The following FERMT1 variants were observed in gnomAD, a reference collection of about 807,000 sequenced individuals.
FERMT1 encodes the protein fermitin family homolog 1.
Under a neutral mutation model 85.3 loss-of-function variants are expected in FERMT1, and 60 were observed. The ratio of observed to expected loss-of-function variants is 0.70; its 90% confidence interval spans 0.57 to 0.87. The LOEUF is 0.87. Among genes scored for constraint, FERMT1 ranks in the 40% least tolerant of loss-of-function variants. The pLI, the probability that FERMT1 is intolerant of heterozygous loss-of-function variation, is 0.00. For missense variants in FERMT1, 701 were observed against 818.9 expected, an observed-to-expected ratio of 0.86 and a Z score of 1.76; for synonymous variants, 275 against 301.1, an observed-to-expected ratio of 0.91 and a Z score of 0.90.
chr20:6,088,636 T>C (rs964255623), intron 10 of FERMT1, among the ~76,000 whole-genome samples: 1 of 151,286 alleles, frequency 6.6e-6, no homozygotes, highest in African/African-American at 2.4e-5. Context: ...CTTTTTTTTT[T>C]TTTTTTTTTG....
At position 6,115,943 on chromosome 20, in the gene FERMT1, C is replaced by T; in HGVS notation, c.253G>A (p.Asp85Asn). 4.3e-6 allele frequency: 7 copies of T among 1,614,212 alleles called. No individual in the cohort carries two copies. Among genetic ancestry groups the T allele is most frequent in the Non-Finnish European group, 5.1e-6 (6 of 1,180,032 alleles). Reference sequence around the variant, plus strand: ...TGAGGGGTGAAGAGAAGCTTTGCATCTGCCTGGACCCCATATTTGTCCAGG... The same window carrying T: ...TGAGGGGTGAAGAGAAGCTTTGCATTTGCCTGGACCCCATATTTGTCCAGG... ...WTLDKYGVQA[D>N]AKLLFTPQHK... is the part of the protein sequence containing the mutation. Residue 85 changes from aspartate (D) to asparagine (N), a missense_variant, in exon 3 of 15, where the codon GAT becomes AAT. Asp to Asn is a conservative substitution (Grantham distance 23). Coordinates refer to ENST00000217289, the MANE Select transcript of FERMT1 (RefSeq NM_017671.5).
chr20:6,096,374 A>G (rs974278970), intron 8 of FERMT1, among the ~76,000 whole-genome samples: 10 of 152,138 alleles, frequency 6.6e-5, no homozygotes, highest in Non-Finnish European at 1.5e-4. Flanking sequence ...AAAATACAAA[A>G]ATTAGCCAGG....
intron 9 of FERMT1, among the ~76,000 whole-genome samples, chr20:6,091,746 C>CAAGAG (rs1982375519): frequency 6.6e-6 from 1 of 152,138 alleles, no homozygotes; most frequent in Non-Finnish European, 1.5e-5. Flanking sequence ...TCAAGTTCCT[C>CAAGAG]CTCCTATCTC....
chr20:6,107,757 C>T (rs2123136468), intron 5 of FERMT1, 123 bp from the exon 6 acceptor site: 2 of 599,844 alleles, frequency 3.3e-6, no homozygotes, highest in South Asian at 3.6e-5. Context: ...GTATGTAATA[C>T]AGATTGAGTA....
Position 6,076,841 on chromosome 20 carries a change from G to C in FERMT1, c.*332C>G. The C allele has an allele frequency of 4.8e-6, 2 of 420,040 alleles. 1 individual carries two copies. The highest frequency in any genetic ancestry group is 4.7e-5 in the South Asian group (2 of 42,858). The allele number at this position is 420,040 out of a possible 1,614,324, so 26.0% of individuals were successfully genotyped here. A position where few individuals can be genotyped will look rare whatever the true frequency, so the allele number is the denominator to read the frequency against. On this transcript the variant is annotated 3_prime_UTR_variant, in exon 15 of 15. Coordinates refer to ENST00000217289, the MANE Select transcript of FERMT1 (RefSeq NM_017671.5). ...TTAGTAATGAGACAGATCAGCACGA[G>C]GATAACTTGTAGCCATACACCTGGC...
intron 6 of FERMT1, 102 bp downstream of exon 6, chr20:6,107,430 C>G: frequency 1.4e-6 from 1 of 694,110 alleles, no homozygotes; most frequent in South Asian, 1.5e-5. Context: ...CAGGCGATCA[C>G]ACAAATAAAT....
intron 9 of FERMT1, among the ~76,000 whole-genome samples, chr20:6,093,083 AAAG>A (rs1982409704): frequency 6.6e-6 from 1 of 152,110 alleles, no homozygotes; most frequent in African/African-American, 2.4e-5. Flanking sequence ...TTAAATAAAA[AAAG>A]AGCTTCACTG....
At chr20:6,103,877 ATTTAT>A (rs1982729058) in intron 6 of FERMT1, among the ~76,000 whole-genome samples, 1 of 108,942 alleles carries the variant, frequency 9.2e-6, no homozygotes, top group Admixed American at 1.0e-4. Context: ...TTATTATTTT[ATTTAT>A]TTTTTGAGAC....
At position 6,113,944 on chromosome 20, in the gene FERMT1, A is replaced by G. The variant is rs550419204; in HGVS notation, c.386-1321T>C. On this transcript the variant is annotated intron_variant, in intron 3 of 14. Transcript: ENST00000217289. Reference sequence around the variant, plus strand: ...CTCCCATTAATCAAATATATTTATAATTGCTGATCAGAATTGCTGATAACC... The same window carrying G: ...CTCCCATTAATCAAATATATTTATAGTTGCTGATCAGAATTGCTGATAACC... Among the ~76,000 whole-genome samples, 11 of 152,344 alleles carry G rather than the reference A, an allele frequency of 7.2e-5. No individual in the cohort carries two copies. In the South Asian group the frequency reaches 2.3e-3, roughly 32 times the overall value.
At chr20:6,122,634 A>C (rs1983310094) in intron 1 of FERMT1, 140 bp downstream of exon 1, 1 of 152,306 alleles carries the variant, frequency 6.6e-6, no homozygotes, top group African/African-American at 2.4e-5. Flanking sequence ...GGTCACATCC[A>C]GACGAAATTA....
At chr20:6,085,917 G>T (rs1387698479) in intron 11 of FERMT1, among the ~76,000 whole-genome samples, 1 of 151,710 alleles carries the variant, frequency 6.6e-6, no homozygotes, top group Non-Finnish European at 1.5e-5. Flanking sequence ...GAGGCGGGTG[G>T]ATCACGAGGT....
Position 6,085,207 on chromosome 20 carries a change from T to TGGCTCC in FERMT1, c.1451_1452insGGAGCC (p.Pro484_Glu485dup). ...GAAATGAAAGGATGTTGAGGACCTC[T>TGGCTCC]GGCTGGTAGGAGCTGTCTGCCATGG... On this transcript the variant is annotated inframe_insertion, in exon 12 of 15. Coordinates refer to ENST00000217289, the MANE Select transcript of FERMT1 (RefSeq NM_017671.5). 6.2e-7 allele frequency: 1 copy of TGGCTCC among 1,614,188 alleles called. No homozygotes were observed.
intron 13 of FERMT1, among the ~76,000 whole-genome samples, chr20:6,083,453 G>A (rs541933662): frequency 5.9e-5 from 9 of 152,150 alleles, no homozygotes; most frequent in Admixed American, 3.3e-4. Flanking sequence ...CAGAGCTTGC[G>A]GGGACCTCTC....
intron 12 of FERMT1, 114 bp from the exon 13 acceptor site, chr20:6,084,278 A>G (rs1982100454): frequency 8.7e-7 from 1 of 1,144,778 alleles, no homozygotes; most frequent in Non-Finnish European, 1.3e-6. Context: ...CTGCAGCTCT[A>G]CAAAGACAAT....
At chr20:6,117,554 C>T (rs887920782) in intron 2 of FERMT1, among the ~76,000 whole-genome samples, 3 of 152,138 alleles carry the variant, frequency 2.0e-5, no homozygotes, top group Non-Finnish European at 4.4e-5. Flanking sequence ...CTGCCTCAGC[C>T]TCCTGAGTAG....
chr20:6,081,178 G>A (rs1345381399), intron 13 of FERMT1, among the ~76,000 whole-genome samples: 1 of 151,954 alleles, frequency 6.6e-6, no homozygotes, highest in Non-Finnish European at 1.5e-5. Flanking sequence ...TGGGAGGCTG[G>A]GGTGAGAGGA....
intron 13 of FERMT1, among the ~76,000 whole-genome samples, chr20:6,081,564 C>G (rs980499071): frequency 6.6e-6 from 1 of 151,996 alleles, no homozygotes; most frequent in African/African-American, 2.4e-5. Flanking sequence ...CAGAAAGTAG[C>G]AGGGGCAGTG....
intron 7 of FERMT1, 136 bp from the exon 8 acceptor site, chr20:6,097,169 CGT>C: frequency 1.1e-6 from 1 of 896,912 alleles, no homozygotes; most frequent in Non-Finnish European, 1.8e-6. Flanking sequence ...GTCTCCTTCC[CGT>C]GTGGGGAAAA....
chr20:6,076,277 C>G lies in FERMT1; in HGVS notation c.*896G>C, dbSNP rs886056897. 2.2e-5 allele frequency: 8 copies of G among 371,950 alleles called. No homozygotes were observed. Among genetic ancestry groups the G allele is most frequent in the South Asian group, 1.4e-4 (7 of 48,966 alleles). 23.0% of individuals were successfully genotyped at this position (371,950 alleles called of 1,614,324 possible). A position where few individuals can be genotyped will look rare whatever the true frequency, so the allele number is the denominator to read the frequency against. On this transcript the variant is annotated 3_prime_UTR_variant, in exon 15 of 15. Coordinates refer to ENST00000217289, the MANE Select transcript of FERMT1 (RefSeq NM_017671.5). ...TCTCCCTGACCAGTTGGGATAGACACCTGACTGGAATCCTTGACACTGGCA... is the reference window on the plus strand; with the variant it reads ...TCTCCCTGACCAGTTGGGATAGACAGCTGACTGGAATCCTTGACACTGGCA...
Sources: gnomAD v4.1 joint callset for allele counts (sites outside exome capture counted in the v4.1 genomes callset) on GRCh38, gnomAD v4.1.1 for gene constraint, MANE v1.5 for transcripts, NCBI Gene and HGNC (gene_info 2026-07-23, HGNC 2026-07-21) for gene names.